Variants in CEP295NL observed in about 807,000 individuals in gnomAD.
CEP295NL encodes the protein protein DDC8 homolog.
In CEP295NL, 3 loss-of-function variants were observed where a neutral mutation model predicts 4.6. The observed-to-expected ratio is 0.65, with a 90% CI of 0.30 to 1.69. CEP295NL has a LOEUF of 1.69. Among genes scored for constraint, CEP295NL ranks in the 40% most tolerant of loss-of-function variants. The pLI is 0.10. For missense variants in CEP295NL, 719 were observed against 769.0 expected, an observed-to-expected ratio of 0.93 and a Z score of 0.77; for synonymous variants, 295 against 312.2, an observed-to-expected ratio of 0.94 and a Z score of 0.58.
intron 2 of CEP295NL, chr17:78,900,021 C>A (rs796757968): frequency 1.3e-5 from 2 of 152,120 alleles, no homozygotes; most frequent in Admixed American, 6.5e-5. Flanking sequence ...AAGGCGCCTA[C>A]GTAGAATATG....
chr17:78,892,503 A>T, intron 2 of CEP295NL, 44 bp from the exon 3 acceptor site: 1 of 1,506,490 alleles, frequency 6.6e-7, no homozygotes, highest in Non-Finnish European at 8.9e-7. Context: ...GATCGCTCCC[A>T]GGAGAGTGAG....
chr17:78,890,832 T>G lies in CEP295NL; in HGVS notation c.1672A>C (p.Thr558Pro). The change falls in exon 3 of 3, where the codon ACG becomes CCG. Residue 558 changes from threonine to proline, a missense_variant. By Grantham distance (38) the Thr-to-Pro change is conservative. Transcript: ENST00000322630. ...ARLAHLKSSS[T>P]RAQERERGSE... is the part of the protein sequence containing the mutation. ...CCTCTCTCCCTTTCCTGGGCTCTCG[T>G]GGAGGAGGACTTCAGATGGGCCAGT... is the stretch of plus-strand genomic sequence containing the variant. The G allele has an allele frequency of 6.4e-7, 1 of 1,550,620 alleles. No homozygotes were observed. Among genetic ancestry groups the G allele is most frequent in the Non-Finnish European group, 8.7e-7 (1 of 1,147,002 alleles).
At position 78,890,676 on chromosome 17, in the gene CEP295NL, C is replaced by A; in HGVS notation, c.1828G>T (p.Ala610Ser). 2 of 1,550,506 alleles carry A rather than the reference C, an allele frequency of 1.3e-6. No individual in the cohort carries two copies. Among genetic ancestry groups the A allele is most frequent in the Non-Finnish European group, 1.7e-6 (2 of 1,146,902 alleles). Residue 610 changes from alanine (A) to serine (S), a missense_variant, in exon 3 of 3, where the codon GCC becomes TCC. Transcript: ENST00000322630. Reference sequence around the variant, plus strand: ...TGAAACTCCCGCAAGCATTTCCGGGCTTCTTCAAGAAACTGCTTGTGCAAC... The same window carrying A: ...TGAAACTCCCGCAAGCATTTCCGGGATTCTTCAAGAAACTGCTTGTGCAAC... ...NRLHKQFLEE[A>S]RKCLREFQNI...
At chr17:78,901,971 C>T in intron 1 of CEP295NL, 45 bp from the exon 2 acceptor site, 2 of 592,370 alleles carry the variant, frequency 3.4e-6, no homozygotes, top group Non-Finnish European at 6.2e-6. Flanking sequence ...ACATCAGAAA[C>T]ATTTTTAACT....
Position 78,891,662 on chromosome 17 carries a change from A to T in CEP295NL, c.842T>A (p.Leu281Gln). The T allele has an allele frequency of 6.4e-7, 1 of 1,550,896 alleles. No individual in the cohort carries two copies. Among genetic ancestry groups the T allele is most frequent in the Non-Finnish European group, 8.7e-7 (1 of 1,147,060 alleles). ...KGTARAGRRQLGKGAVCFVPA... is the reference protein window; with the variant it reads ...KGTARAGRRQQGKGAVCFVPA... ...AACAAAGCAAACTGCCCCCTTTCCC[A>T]GTTGCCTCCTCCCCGCCCGAGCTGT... The change falls in exon 3 of 3, where the codon CTG becomes CAG. Residue 281 changes from leucine to glutamine, a missense_variant. Coordinates refer to ENST00000322630, the MANE Select transcript of CEP295NL (RefSeq NM_001243540.2). The surrounding 1 kb of genome is among the most constrained non-coding windows in gnomAD (Gnocchi z 4.5).
chr17:78,902,296 C>T (rs568161854), intron 1 of CEP295NL, among the ~76,000 whole-genome samples: 24 of 152,330 alleles, frequency 1.6e-4, no homozygotes, highest in South Asian at 6.2e-4. Context: ...TTAGTAGAGA[C>T]GGGGATTCAC....
Position 78,901,635 on chromosome 17 carries a change from G to A in CEP295NL, c.44+150C>T, listed in dbSNP as rs1355016980. 7 of 692,504 alleles carry A rather than the reference G, an allele frequency of 1.0e-5. No homozygotes were observed. The Admixed American group carries it at 1.0e-4, about 10-fold the overall frequency. The allele number at this position is 692,504 out of a possible 1,614,324, so 42.9% of individuals were successfully genotyped here. A position where few individuals can be genotyped will look rare whatever the true frequency, so the allele number is the denominator to read the frequency against. On this transcript the variant is annotated intron_variant, in intron 2 of 2. Coordinates refer to ENST00000322630, the MANE Select transcript of CEP295NL (RefSeq NM_001243540.2). The stretch of plus-strand genomic sequence containing the variant: ...AGAGTATGGTGCTTAAGAGTACTAT[G>A]TGACCTAGGCCAAGCGACTTCACTC...
At chr17:78,902,126 G>C (rs900789558) in intron 1 of CEP295NL, among the ~76,000 whole-genome samples, 200 bp from the exon 2 acceptor site, 1 of 152,176 alleles carries the variant, frequency 6.6e-6, no homozygotes, top group Non-Finnish European at 1.5e-5. Flanking sequence ...CACTGCACTG[G>C]GTTTTGGTTT....
At chr17:78,897,123 C>T (rs1035361664) in intron 2 of CEP295NL, 25 of 408,638 alleles carry the variant, frequency 6.1e-5, no homozygotes, top group Non-Finnish European at 7.3e-5. Flanking sequence ...GGCCTCCTCA[C>T]CCCCTCCGAA....
rs1000947818 is a variant in CEP295NL at position 78,892,268 on chromosome 17, T to A, written c.236A>T (p.Lys79Met). ...PDNEDLLWRK[K>M]HKLLQARGKG... ...GCCCCGGGCTTGTAGCAATTTGTGC[T>A]TTTTCCTCCAAAGCAGGTCTTCGTT... The change falls in exon 3 of 3, where the codon AAG (lysine) becomes ATG (methionine). Residue 79 changes from lysine to methionine, a missense_variant. Transcript: ENST00000322630. 2 of 1,550,696 alleles carry A rather than the reference T, an allele frequency of 1.3e-6. No homozygotes were observed. The highest frequency in any genetic ancestry group is 1.7e-6 in the Non-Finnish European group (2 of 1,147,054).
At chr17:78,900,522 G>A (rs909204925) in intron 2 of CEP295NL, among the ~76,000 whole-genome samples, 1 of 148,340 alleles carries the variant, frequency 6.7e-6, no homozygotes, top group Non-Finnish European at 1.5e-5. Flanking sequence ...TCTAGCCTAG[G>A]CAACAGAGCA....
chr17:78,902,027 C>T, intron 1 of CEP295NL, 101 bp from the exon 2 acceptor site: 1 of 548,600 alleles, frequency 1.8e-6, no homozygotes, highest in Non-Finnish European at 3.3e-6. Context: ...CCATGACACG[C>T]TGTGTGCTGC....
chr17:78,902,967 C>G (rs530599500), intron 1 of CEP295NL, among the ~76,000 whole-genome samples, 167 bp downstream of exon 1: 4 of 152,340 alleles, frequency 2.6e-5, no homozygotes, highest in African/African-American at 9.6e-5. Flanking sequence ...GGGACTTTGC[C>G]GCTGGCCTTG....
chr17:78,899,254 G>A (rs2070051043), intron 2 of CEP295NL: 1 of 152,878 alleles, frequency 6.5e-6, no homozygotes, highest in South Asian at 2.1e-4. Context: ...CTCACCTGAG[G>A]CCCTTAAAAG....
chr17:78,897,896 G>A (rs1209626733), intron 2 of CEP295NL: 1 of 152,226 alleles, frequency 6.6e-6, no homozygotes, highest in African/African-American at 2.4e-5. Context: ...ACACGGAAAT[G>A]GGTACAAACT....
At chr17:78,893,772 A>C (rs1421871295) in intron 2 of CEP295NL, among the ~76,000 whole-genome samples, 1 of 152,072 alleles carries the variant, frequency 6.6e-6, no homozygotes, top group African/African-American at 2.4e-5. Context: ...TCCTTTTATA[A>C]TGATCAGAGA....
Position 78,892,126 on chromosome 17 carries a change from G to A in CEP295NL, c.378C>T (p.Val126=), listed in dbSNP as rs773726980. The change falls in exon 3 of 3, where the codon GTC becomes GTT. Residue 126 remains valine (V), a synonymous_variant. Transcript: ENST00000322630. Reference sequence around the variant, plus strand: ...CTGACTGCAGCCTGTCCAGGCCACCGACGTGCAGGTGCTGTGCCTCCTGAT... The same window carrying A: ...CTGACTGCAGCCTGTCCAGGCCACCAACGTGCAGGTGCTGTGCCTCCTGAT... ...RGYQEAQHLH[V]GGLDRLQSAR... is the part of the protein sequence containing the mutation. The A allele has an allele frequency of 3.8e-5, 59 of 1,550,990 alleles. No individual in the cohort carries two copies. In the Middle Eastern group the frequency reaches 1.0e-3, roughly 26 times the overall value.
In CEP295NL at chr17:78,891,755, A is replaced by T; in HGVS notation, c.749T>A (p.Leu250Gln). Residue 250 changes from leucine to glutamine, a missense_variant, in exon 3 of 3, where the codon CTA (leucine) becomes CAA (glutamine). Coordinates refer to ENST00000322630, the MANE Select transcript of CEP295NL (RefSeq NM_001243540.2). The surrounding 1 kb of genome is among the most constrained non-coding windows in gnomAD (Gnocchi z 4.5). ...IHPRRSKGAD[L>Q]ERSNPLVAAV... is the part of the protein sequence containing the mutation. ...AGCCACGAGTGGGTTTGACCTTTCT[A>T]GGTCCGCCCCTTTGCTCCTCCGAGG... The T allele has an allele frequency of 6.4e-7, 1 of 1,551,060 alleles. No homozygotes were observed. The highest frequency in any genetic ancestry group is 8.7e-7 in the Non-Finnish European group (1 of 1,147,096).
intron 2 of CEP295NL, 199 bp from the exon 3 acceptor site, chr17:78,892,658 T>A: frequency 1.3e-6 from 1 of 742,224 alleles, no homozygotes; most frequent in Non-Finnish European, 2.1e-6. Flanking sequence ...CAAGAGCCTG[T>A]AGGGCAGCTG....
Sources: gnomAD v4.1 joint callset for allele counts (sites outside exome capture counted in the v4.1 genomes callset) on GRCh38, gnomAD v4.1.1 for gene constraint, Gnocchi (gnomAD v3.1) non-coding constraint, MANE v1.5 for transcripts, NCBI Gene and HGNC (gene_info 2026-07-23, HGNC 2026-07-21) for gene names.